DAW1: variants seen among roughly 807,000 people sequenced by gnomAD.
DAW1 encodes the protein dynein assembly factor with WD repeats 1, also known as dynein assembly factor with WD repeat domains 1.
DAW1 carries 47 observed loss-of-function variants against 56.5 expected under a neutral mutation model. The observed-to-expected ratio is 0.83, with a 90% confidence interval of 0.66 to 1.06. The LOEUF is 1.06. Among genes scored for constraint, DAW1 ranks in the 50% least tolerant of loss-of-function variants. DAW1 has a pLI of 0.00. For synonymous variants in DAW1, 190 were observed against 179.0 expected (o/e 1.06, Z -0.49); for missense variants, 505 against 499.3 (o/e 1.01, Z -0.11).
intron 10 of DAW1, 79 bp downstream of exon 10, chr2:227,907,331 G>A: frequency 8.6e-7 from 1 of 1,168,924 alleles, no homozygotes; most frequent in Non-Finnish European, 1.2e-6. Context: ...CTACACTATG[G>A]GTCATTTCTT....
At chr2:227,914,396 AT>A (rs1445415538) in intron 10 of DAW1, among the ~76,000 whole-genome samples, 1 of 151,858 alleles carries the variant, frequency 6.6e-6, no homozygotes, top group Admixed American at 6.6e-5. Context: ...CTTTACAACC[AT>A]TGATGATCTA....
At chr2:227,900,423 T>G (rs1691512291) in intron 6 of DAW1, among the ~76,000 whole-genome samples, 1 of 152,176 alleles carries the variant, frequency 6.6e-6, no homozygotes, top group Admixed American at 6.5e-5. Flanking sequence ...ATGCTTAGGG[T>G]ATCTGAGAGA....
At chr2:227,921,590 A>AT (rs777560070) in intron 12 of DAW1, 29 bp downstream of exon 12, 3 of 1,581,296 alleles carry the variant, frequency 1.9e-6, no homozygotes, top group Admixed American at 1.7e-5. Flanking sequence ...CCATAGACTC[A>AT]TTTTTTCTTG....
At position 227,917,112 on chromosome 2, in the gene DAW1, G is replaced by GTATCTATCTATCTATCTATC. The variant is rs57043132; in HGVS notation, c.974-1654_974-1635dup. On this transcript the variant is annotated intron_variant, in intron 10 of 12. Transcript: ENST00000309931. ...GTCTCCCTCATGACCATGCATGACA[G>GTATCTATCTATCTATCTATC]TATCTATCTATCTATCTATCTATCT... Among the ~76,000 whole-genome samples, 89 of 148,548 alleles carry GTATCTATCTATCTATCTATC rather than the reference G, an allele frequency of 6.0e-4. 2 individuals carry two copies. The highest frequency in any genetic ancestry group is 5.1e-3 in the Admixed American group (76 of 14,832).
At chr2:227,888,532 T>TAAGA (rs1691182180) in intron 2 of DAW1, among the ~76,000 whole-genome samples, 1 of 152,204 alleles carries the variant, frequency 6.6e-6, no homozygotes, top group Admixed American at 6.5e-5. Flanking sequence ...GCCAGGCTCT[T>TAAGA]GCTCTGCCCC....
intron 10 of DAW1, among the ~76,000 whole-genome samples, chr2:227,913,871 A>ATATCTATCTATC (rs559993251): frequency 0.16 from 21,870 of 139,756 alleles, 2,241 homozygotes; most frequent in Middle Eastern, 0.24. Context: ...GACAGTCATC[A>ATATCTATCTATC]TATCTATCTA....
At chr2:227,920,820 G>C (rs1470097949) in intron 11 of DAW1, among the ~76,000 whole-genome samples, 2 of 152,112 alleles carry the variant, frequency 1.3e-5, no homozygotes, top group East Asian at 3.9e-4. Flanking sequence ...GGAATTACAG[G>C]TGTGTGCCAC....
At chr2:227,900,257 C>T (rs1285961829) in intron 6 of DAW1, among the ~76,000 whole-genome samples, 2 of 152,140 alleles carry the variant, frequency 1.3e-5, no homozygotes, top group Non-Finnish European at 2.9e-5. Context: ...TAATGTGTGT[C>T]CTTAGAGTGT....
At chr2:227,876,266 C>T (rs1407180831) in intron 1 of DAW1, among the ~76,000 whole-genome samples, 1 of 152,200 alleles carries the variant, frequency 6.6e-6, no homozygotes, top group Non-Finnish European at 1.5e-5. Context: ...GTGATCCACC[C>T]GCCTTGGCCT....
intron 4 of DAW1, 108 bp downstream of exon 4, chr2:227,891,421 T>G: frequency 1.1e-6 from 1 of 935,710 alleles, no homozygotes; most frequent in Non-Finnish European, 1.7e-6. Flanking sequence ...TTTTCTGATT[T>G]CAGTACTCCC....
intron 1 of DAW1, among the ~76,000 whole-genome samples, chr2:227,880,939 G>A (rs939946951): frequency 1.3e-5 from 2 of 152,288 alleles, no homozygotes; most frequent in East Asian, 3.9e-4. Context: ...ACATGGTACC[G>A]ATGAATTTAA....
At chr2:227,874,830 G>T (rs986950659) in intron 1 of DAW1, among the ~76,000 whole-genome samples, 14 of 151,984 alleles carry the variant, frequency 9.2e-5, no homozygotes, top group African/African-American at 3.4e-4. Flanking sequence ...AGGTGTGGTG[G>T]TGCGGGTCTG....
At chr2:227,910,890 T>G (rs531962634) in intron 10 of DAW1, among the ~76,000 whole-genome samples, 10 of 152,142 alleles carry the variant, frequency 6.6e-5, no homozygotes, top group Non-Finnish European at 1.2e-4. Context: ...CCATGGTATC[T>G]TCATATGACA....
intron 5 of DAW1, among the ~76,000 whole-genome samples, chr2:227,895,893 A>G (rs1022376801): frequency 6.6e-6 from 1 of 152,210 alleles, no homozygotes; most frequent in African/African-American, 2.4e-5. Flanking sequence ...TAGGATGCAG[A>G]TATGACAATA....
At position 227,889,864 on chromosome 2, in the gene DAW1, T is replaced by A. The variant is rs1574653629; in HGVS notation, c.122T>A (p.Val41Asp). ...DLLDLGPSTD[V>D]SALVEEIQKA... ...TTTTGGGTGTATTTCAGCACTGATG[T>A]CAGTGCGTTAGTAGAAGAAATCCAG... Residue 41 changes from valine to aspartate, a missense_variant, in exon 3 of 13, where the codon GTC becomes GAC. By Grantham distance (152) the Val-to-Asp change is radical. Transcript: ENST00000309931. The A allele has an allele frequency of 6.3e-7, 1 of 1,594,390 alleles. No individual in the cohort carries two copies.
chr2:227,914,923 A>T (rs920681564), intron 10 of DAW1, among the ~76,000 whole-genome samples: 5 of 152,122 alleles, frequency 3.3e-5, no homozygotes, highest in African/African-American at 1.2e-4. Context: ...ACTACATGTC[A>T]TGCTATACTA....
chr2:227,871,766 A>G (rs779757854), intron 1 of DAW1, 37 bp downstream of exon 1: 1 of 1,612,568 alleles, frequency 6.2e-7, no homozygotes, highest in Non-Finnish European at 8.5e-7. Context: ...CCCACGTGGG[A>G]CCCTGGGCTC....
intron 4 of DAW1, among the ~76,000 whole-genome samples, chr2:227,892,449 A>G (rs1691287790): frequency 6.6e-6 from 1 of 152,212 alleles, no homozygotes; most frequent in Non-Finnish European, 1.5e-5. Flanking sequence ...TTAACTATTA[A>G]TAATTATATC....
At position 227,893,863 on chromosome 2, in the gene DAW1, C is replaced by T. The variant is rs113776284; in HGVS notation, c.386C>T (p.Thr129Met). 73 of 1,613,910 alleles carry T rather than the reference C, an allele frequency of 4.5e-5. No homozygotes were observed. The highest frequency in any genetic ancestry group is 3.1e-4 in the East Asian group (14 of 44,852). The change falls in exon 5 of 13, where the codon ACG becomes ATG. Residue 129 changes from threonine to methionine, a missense_variant. Transcript: ENST00000309931. ...ACTGCGTCTGGAGAGGAGCTGAACA[C>T]GCTGGAGGGCCACAGGAATGTGGTT... ...WDTASGEELN[T>M]LEGHRNVVYA...
Sources: allele counts gnomAD v4.1 joint callset (sites outside exome capture counted in the v4.1 genomes callset), GRCh38; gene constraint gnomAD v4.1.1; transcripts MANE v1.5; gene names NCBI Gene and HGNC (gene_info 2026-07-23, HGNC 2026-07-21).